RNASE12: variants seen among roughly 807,000 people sequenced by gnomAD.
RNASE12 encodes ribonuclease A family member 12 (inactive).
For missense variants in RNASE12, 161 were observed against 177.6 expected (o/e 0.91, Z 0.53); for synonymous variants, 55 against 59.8 (o/e 0.92, Z 0.37).
At chr14:20,590,984 C>T (rs570690528), upstream of RNASE12, 3 of 985,432 alleles carry the variant, frequency 3.0e-6, no homozygotes, top group South Asian at 1.4e-4. Context: ...CTAAATTATT[C>T]CTGTTGTGTT....
exon 1 of RNASE12, chr14:20,590,197 T>C: frequency 6.5e-7 from 1 of 1,541,980 alleles, no homozygotes; most frequent in African/African-American, 1.4e-5. Flanking sequence ...TTGCCCCATG[T>C]CCACGGTCCA....
chr14:20,591,362 C>T (rs1884577710), upstream of RNASE12: 1 of 917,360 alleles, frequency 1.1e-6, no homozygotes, highest in Non-Finnish European at 1.3e-6. Flanking sequence ...TGATAGAGAG[C>T]CTGTTGTTGA....
downstream of RNASE12, chr14:20,590,176 C>A (rs573019852): frequency 7.9e-5 from 119 of 1,512,562 alleles, 1 homozygote; most frequent in South Asian, 1.5e-3. Flanking sequence ...CTTCCCCTTC[C>A]GCTCAAGGCA....
chr14:20,590,476 G>A (rs773968086), exon 1 of RNASE12: 16 of 1,614,086 alleles, frequency 9.9e-6, no homozygotes, highest in Middle Eastern at 1.6e-4. Flanking sequence ...AACCTTCTTG[G>A]GAGAAATGCA....
chr14:20,590,861 C>T (rs1884563516), upstream of RNASE12: 1 of 1,462,110 alleles, frequency 6.8e-7, no homozygotes, highest in Non-Finnish European at 9.0e-7. Flanking sequence ...TTATTTCCTT[C>T]TCTCCACTAA....
chr14:20,590,613 A>G (rs755478724), exon 1 of RNASE12: 2 of 1,614,268 alleles, frequency 1.2e-6, no homozygotes, highest in Non-Finnish European at 1.7e-6. Flanking sequence ...CGGGAACGTC[A>G]TTCTGAGGGT....
rs979740702 is a variant in RNASE12 at position 20,590,460 on chromosome 14, G to A, written c.264C>T (p.Cys88=). 4 of 1,614,076 alleles carry A rather than the reference G, an allele frequency of 2.5e-6. No homozygotes were observed. The South Asian group carries it at 3.3e-5, about 13-fold the overall frequency. The stretch of plus-strand genomic sequence containing the variant: ...AGCAGAAAATGGCCGAAAGGTTTTG[G>A]CAAGCAACCTTCTTGGGAGAAATGC... Residue 88 remains cysteine, a synonymous_variant, in exon 1 of 1, where the codon TGC becomes TGT. Transcript: ENST00000556526.
upstream of RNASE12, chr14:20,590,846 A>G: frequency 3.4e-6 from 5 of 1,485,256 alleles, no homozygotes; most frequent in Admixed American, 5.0e-5. Flanking sequence ...CATCCTTGGA[A>G]TATTTTATTT....
At chr14:20,590,347 G>A in exon 1 of RNASE12, 2 of 1,614,184 alleles carry the variant, frequency 1.2e-6, no homozygotes, top group African/African-American at 1.3e-5. Context: ...AAACCCCTCT[G>A]TGGGGGAATA....
chr14:20,590,232 C>G, exon 1 of RNASE12: 4 of 1,596,322 alleles, frequency 2.5e-6, no homozygotes, highest in Non-Finnish European at 3.4e-6. Context: ...ACAGCCAGCT[C>G]CAATGCCATT....
At chr14:20,590,405 C>T in exon 1 of RNASE12, 4 of 1,614,240 alleles carry the variant, frequency 2.5e-6, no homozygotes, top group Non-Finnish European at 3.4e-6. Context: ...AGCTGACAGA[C>T]TGTCATTTTG....
exon 1 of RNASE12, chr14:20,590,592 C>A: frequency 6.2e-7 from 1 of 1,614,226 alleles, no homozygotes; most frequent in East Asian, 2.2e-5. Flanking sequence ...GGTTGCAGTA[C>A]CTTGCAGGAA....
At chr14:20,590,583 G>A (rs1884552838) in exon 1 of RNASE12, 1 of 1,614,094 alleles carries the variant, frequency 6.2e-7, no homozygotes, top group South Asian at 1.1e-5. Context: ...TGATCATGTG[G>A]TTGCAGTACC....
chr14:20,590,566 C>G lies in RNASE12; in HGVS notation c.158G>C (p.Arg53Thr), dbSNP rs774061977. 7.0e-5 allele frequency: 113 copies of G among 1,614,098 alleles called. No individual in the cohort carries two copies. Among genetic ancestry groups the G allele is most frequent in the Non-Finnish European group, 9.5e-5 (112 of 1,180,046 alleles). Residue 53 changes from arginine to threonine, a missense_variant, in exon 1 of 1, where the codon AGA becomes ACA. Physicochemically the swap from Arg to Thr is moderately conservative, Grantham distance 71. Transcript: ENST00000556526. ...AGTGTGGTCAGGTTCCCTGATAACT[C>G]TTTGTATGATCATGTGGTTGCAGTA...
At chr14:20,590,787 T>C (rs964818222) in exon 1 of RNASE12, 3 of 1,578,880 alleles carry the variant, frequency 1.9e-6, no homozygotes, top group African/African-American at 1.3e-5. Context: ...AGATAGAAAG[T>C]AGCAAAGGAC....
rs1254786336 is a variant in RNASE12, at chr14:20,590,520, GAAGACATGCT to G, written c.194_203del (p.Glu65AlafsTer38). 4 of 1,614,134 alleles carry G rather than the reference GAAGACATGCT, an allele frequency of 2.5e-6. No homozygotes were observed. The African/African-American group carries it at 5.3e-5, about 22-fold the overall frequency. ...TGATTTTTCGAGGCCTCTCATGGATGAAGACATGCTCCTTTTTACAAGTGTGGTCAGGTTC... is the reference window on the plus strand; with the variant it reads ...TGATTTTTCGAGGCCTCTCATGGATGCCTTTTTACAAGTGTGGTCAGGTTC... On this transcript the variant is annotated frameshift_variant, in exon 1 of 1. Coordinates refer to ENST00000556526, the Ensembl canonical transcript of RNASE12. LOFTEE classifies it low-confidence loss of function (END_TRUNC).
chr14:20,590,837 A>G, upstream of RNASE12: 3 of 1,498,020 alleles, frequency 2.0e-6, no homozygotes, highest in Non-Finnish European at 1.8e-6. Flanking sequence ...CTGCTCCCCC[A>G]TCCTTGGAAT....
upstream of RNASE12, chr14:20,591,311 T>A (rs1458592421): frequency 2.9e-5 from 29 of 985,216 alleles, no homozygotes; most frequent in Non-Finnish European, 3.5e-5. Context: ...GATCATGAAT[T>A]TGACAAAATC....
At chr14:20,590,256 T>G in exon 1 of RNASE12, 1 of 1,607,978 alleles carries the variant, frequency 6.2e-7, no homozygotes, top group Admixed American at 1.7e-5. Flanking sequence ...AGAAGAGATC[T>G]CAGACTCGGG....
Sources: allele counts gnomAD v4.1 joint callset, GRCh38; gene constraint gnomAD v4.1.1; transcripts MANE v1.5; gene names NCBI Gene and HGNC (gene_info 2026-07-23, HGNC 2026-07-21).